WDR27: variants seen among roughly 807,000 people sequenced by gnomAD.
WDR27 encodes the protein WD repeat-containing protein 27.
WDR27 carries 100 observed loss-of-function variants against 114.4 expected under a neutral mutation model. The ratio of observed to expected loss-of-function variants is 0.87; its 90% CI spans 0.74 to 1.03. WDR27 has a LOEUF of 1.03. WDR27 is among the 50% of genes least tolerant of loss of function. WDR27 has a pLI of 0.00. For synonymous variants in WDR27, 449 were observed against 423.1 expected (o/e 1.06, Z -0.75); for missense variants, 1,129 against 1,092.9 (o/e 1.03, Z -0.47).
intron 25 of WDR27, among the ~76,000 whole-genome samples, chr6:169,552,385 C>A (rs1042566008): frequency 5.9e-5 from 9 of 152,226 alleles, no homozygotes; most frequent in Admixed American, 5.2e-4. Context: ...GGACTTTCAG[C>A]CTGTTCCCGC....
chr6:169,530,783 A>C (rs557124347), intron 25 of WDR27, among the ~76,000 whole-genome samples: 2 of 152,350 alleles, frequency 1.3e-5, no homozygotes, highest in East Asian at 3.9e-4. Flanking sequence ...TAATGCATCC[A>C]TAACAAAGGC....
intron 25 of WDR27, among the ~76,000 whole-genome samples, chr6:169,564,991 C>A (rs1361747288): frequency 6.6e-6 from 1 of 152,202 alleles, no homozygotes; most frequent in Non-Finnish European, 1.5e-5. Context: ...GCCGGGGAGA[C>A]CCCCACCAGG....
At chr6:169,694,927 C>G (rs992539797) in intron 1 of WDR27, among the ~76,000 whole-genome samples, 5 of 152,210 alleles carry the variant, frequency 3.3e-5, no homozygotes. Context: ...TTGAATTAAT[C>G]ACGTAATCAG....
At chr6:169,438,604 T>C in the WDR27 span, among the ~76,000 whole-genome samples, 3 of 152,206 alleles carry the variant, frequency 2.0e-5, no homozygotes, top group African/African-American at 7.2e-5. Context: ...GTTTACTTTA[T>C]TCCTTTTTAA....
At chr6:169,531,691 T>C (rs1795626747) in intron 25 of WDR27, among the ~76,000 whole-genome samples, 1 of 151,974 alleles carries the variant, frequency 6.6e-6, no homozygotes, top group African/African-American at 2.4e-5. Flanking sequence ...TGTCACTTTT[T>C]TGCCCAGGCT....
chr6:169,651,789 C>A, intron 14 of WDR27, 141 bp downstream of exon 14: 4 of 714,802 alleles, frequency 5.6e-6, no homozygotes, highest in Non-Finnish European at 9.0e-6. Flanking sequence ...CAACCCACCA[C>A]ATTTTAACTT....
In WDR27 at chr6:169,689,220, C is replaced by T. The variant is rs561248097; in HGVS notation, c.-7-208G>A. ...ATTCTCAACTGCTCCATTCTTCTCA[C>T]GGGCTTTCCAGTTAAGCAAACCTTG... On this transcript the variant is annotated intron_variant, in intron 1 of 25. Coordinates refer to ENST00000448612, the MANE Select transcript of WDR27 (RefSeq NM_182552.5). The T allele has an allele frequency of 8.7e-4, 350 of 403,750 alleles. 1 individual carries two copies. Among genetic ancestry groups the T allele is most frequent in the Non-Finnish European group, 1.2e-3 (264 of 226,522 alleles). The allele number at this position is 403,750 out of a possible 1,614,324, so 25.0% of individuals were successfully genotyped here. A position where few individuals can be genotyped will look rare whatever the true frequency, so the allele number is the denominator to read the frequency against.
chr6:169,674,451 A>T (rs2128302290), intron 2 of WDR27, among the ~76,000 whole-genome samples: 1 of 152,336 alleles, frequency 6.6e-6, no homozygotes, highest in South Asian at 2.1e-4. Context: ...AAAAACACTT[A>T]GTGGGATTAA....
intron 24 of WDR27, among the ~76,000 whole-genome samples, chr6:169,579,346 CATAAGAT>C (rs1303983323): frequency 6.6e-6 from 1 of 152,112 alleles, no homozygotes; most frequent in East Asian, 1.9e-4. Flanking sequence ...ATGTATTTAT[CATAAGAT>C]ATATGTTTTA....
intron 3 of WDR27, chr6:169,671,025 G>GTATAGGT (rs1168741231): frequency 6.1e-4 from 133 of 218,886 alleles, no homozygotes; most frequent in African/African-American, 2.5e-3. Context: ...CCAACCCCAT[G>GTATAGGT]TCCACCCTCA....
intron 23 of WDR27, among the ~76,000 whole-genome samples, chr6:169,590,072 A>G (rs2128152681): frequency 6.7e-6 from 1 of 149,242 alleles, no homozygotes; most frequent in African/African-American, 2.5e-5. Context: ...AAGGGACTGA[A>G]TGTACTACTG....
At chr6:169,548,775 G>C (rs1189951942) in intron 25 of WDR27, among the ~76,000 whole-genome samples, 2 of 152,148 alleles carry the variant, frequency 1.3e-5, no homozygotes, top group Admixed American at 6.6e-5. Context: ...ATCTTTGACA[G>C]AGGAGCAAAG....
intron 16 of WDR27, among the ~76,000 whole-genome samples, chr6:169,645,036 T>TAAAAAAAAAA (rs369797685): frequency 5.5e-4 from 42 of 76,952 alleles, no homozygotes; most frequent in Middle Eastern, 9.8e-3. Flanking sequence ...AAAAAAAAAA[T>TAAAAAAAAAA]AAAAAAAAAA....
At chr6:169,498,663 T>C (rs1790706516) in intron 25 of WDR27, among the ~76,000 whole-genome samples, 1 of 152,258 alleles carries the variant, frequency 6.6e-6, no homozygotes, top group South Asian at 2.1e-4. Context: ...CAGGAGCACA[T>C]TGTGATGGAT....
At chr6:169,452,633 A>AG (rs1784203872), downstream of WDR27, among the ~76,000 whole-genome samples, 1 of 152,084 alleles carries the variant, frequency 6.6e-6, no homozygotes, top group Non-Finnish European at 1.5e-5. Flanking sequence ...CAGCCGCAGG[A>AG]GGAGGGCAAG....
At chr6:169,635,751 G>A (rs1476418234) in intron 19 of WDR27, among the ~76,000 whole-genome samples, 5 of 152,216 alleles carry the variant, frequency 3.3e-5, no homozygotes, top group East Asian at 1.9e-4. Context: ...TCTCAGAAAC[G>A]TAACTTTGAT....
rs549138506 is a variant in WDR27, at chr6:169,513,650, T to A, written c.2646-56016A>T. Among the ~76,000 whole-genome samples, 99 of 149,358 alleles carry A rather than the reference T, an allele frequency of 6.6e-4. 1 individual carries two copies. Among genetic ancestry groups the A allele is most frequent in the African/African-American group, 2.3e-3 (94 of 41,394 alleles). On this transcript the variant is annotated intron_variant, in intron 25 of 25. Coordinates refer to ENST00000448612, the MANE Select transcript of WDR27 (RefSeq NM_182552.5). ...CTATGCAGTAATTACTTATAAACAA[T>A]GTGTTTATTTATAAGTAATTACTTA...
chr6:169,474,808 T>C (rs1364413673), intron 25 of WDR27, among the ~76,000 whole-genome samples: 1 of 152,212 alleles, frequency 6.6e-6, no homozygotes, highest in Non-Finnish European at 1.5e-5. Context: ...CAGACCTAAA[T>C]TATTAGCAAA....
At chr6:169,607,393 T>TACACACACACACACACACAC (rs199658563) in intron 22 of WDR27, among the ~76,000 whole-genome samples, 1 of 99,378 alleles carries the variant, frequency 1.0e-5, no homozygotes, top group African/African-American at 3.0e-5. Flanking sequence ...TGTGTGTGTA[T>TACACACACACACACACACAC]ACACACACAC....
Sources: allele counts gnomAD v4.1 joint callset (sites outside exome capture counted in the v4.1 genomes callset), GRCh38; gene constraint gnomAD v4.1.1; transcripts MANE v1.5; gene names NCBI Gene and HGNC (gene_info 2026-07-23, HGNC 2026-07-21).